Variants in DACH1 observed in about 807,000 individuals in gnomAD.
DACH1 encodes the protein dachshund homolog 1.
In DACH1, 12 loss-of-function variants were observed where a neutral mutation model predicts 54.2. The observed-to-expected ratio is 0.22, with a 90% CI of 0.14 to 0.36. DACH1 has a LOEUF of 0.36. Among genes scored for constraint, DACH1 ranks in the 10% least tolerant of loss-of-function variants. The probability of loss-of-function intolerance (pLI) is 1.00; values close to 1 mark genes in which losing one functional copy is unlikely to be tolerated. For synonymous variants in DACH1, 386 were observed against 366.2 expected (o/e 1.05, Z -0.62); for missense variants, 805 against 929.8 (o/e 0.87, Z 1.75).
intron 3 of DACH1, among the ~76,000 whole-genome samples, chr13:71,619,118 A>G (rs1876014050): frequency 6.6e-6 from 1 of 151,654 alleles, no homozygotes; most frequent in African/African-American, 2.4e-5. Context: ...ATGTGTGTAT[A>G]TATATATATG....
At chr13:71,457,803 A>T (rs1278290951) in intron 10 of DACH1, among the ~76,000 whole-genome samples, 1 of 151,902 alleles carries the variant, frequency 6.6e-6, no homozygotes, top group Non-Finnish European at 1.5e-5. Flanking sequence ...AGCTTCAATT[A>T]TGTCCAAAGT....
rs12430787 is a variant in DACH1 at position 71,473,248 on chromosome 13, A to C, written c.2083+1893T>G. On this transcript the variant is annotated intron_variant, in intron 10 of 10. Transcript: ENST00000613252. Reference sequence around the variant, plus strand: ...TGAGTGAGGATTTTCTATTACAATTAAAGGCAAAAATAATTCCATAAAATG... The same window carrying C: ...TGAGTGAGGATTTTCTATTACAATTCAAGGCAAAAATAATTCCATAAAATG... Among the ~76,000 whole-genome samples, 1,462 of 152,300 alleles carry C rather than the reference A, an allele frequency of 9.6e-3. 18 individuals are homozygous for C. The highest frequency in any genetic ancestry group is 0.027 in the Middle Eastern group (8 of 292).
intron 1 of DACH1, among the ~76,000 whole-genome samples, chr13:71,710,992 T>C (rs1882697290): frequency 6.6e-6 from 1 of 152,178 alleles, no homozygotes; most frequent in Admixed American, 6.6e-5. Flanking sequence ...CCTAGTCAGT[T>C]ATTCTATATA....
chr13:71,563,894 A>C (rs1884750240), intron 4 of DACH1, among the ~76,000 whole-genome samples: 2 of 151,750 alleles, frequency 1.3e-5, no homozygotes, highest in South Asian at 4.2e-4. Flanking sequence ...TTAACTATTC[A>C]ATTGAAACTT....
At chr13:71,753,581 T>A (rs1051586173) in intron 1 of DACH1, among the ~76,000 whole-genome samples, 2 of 152,116 alleles carry the variant, frequency 1.3e-5, no homozygotes, top group African/African-American at 4.8e-5. Flanking sequence ...GTACAAACAT[T>A]CATAGATTGC....
At chr13:71,781,599 C>T (rs1473096213) in intron 1 of DACH1, among the ~76,000 whole-genome samples, 6 of 151,902 alleles carry the variant, frequency 3.9e-5, no homozygotes, top group African/African-American at 1.2e-4. Flanking sequence ...AGGATGGTCT[C>T]GATCTCCTGA....
At chr13:71,695,374 C>G (rs538900189) in intron 1 of DACH1, among the ~76,000 whole-genome samples, 2 of 152,180 alleles carry the variant, frequency 1.3e-5, no homozygotes, top group African/African-American at 2.4e-5. Context: ...ATATAACCCT[C>G]TCTCCAAAAG....
At chr13:71,603,008 T>A (rs1874618139) in intron 3 of DACH1, among the ~76,000 whole-genome samples, 1 of 152,006 alleles carries the variant, frequency 6.6e-6, no homozygotes, top group African/African-American at 2.4e-5. Context: ...CGTTGCTTTC[T>A]TTTTATTCAC....
intron 6 of DACH1, among the ~76,000 whole-genome samples, chr13:71,533,646 T>A (rs969840904): frequency 6.6e-6 from 1 of 151,968 alleles, no homozygotes; most frequent in African/African-American, 2.4e-5. Flanking sequence ...TTTAGTTCAA[T>A]GAAATCTCTA....
At position 71,829,456 on chromosome 13, in the gene DACH1, G is replaced by A. The variant is rs987702170; in HGVS notation, c.848+36466C>T. Among the ~76,000 whole-genome samples, 10 of 151,882 alleles carry A rather than the reference G, an allele frequency of 6.6e-5. No individual in the cohort carries two copies. The East Asian group carries it at 1.2e-3, about 18-fold the overall frequency. ...CAAGAAAGTCACTGCAACTAAGTAC[G>A]TACTGGGAATAAAAATTCAACTGTA... is the stretch of plus-strand genomic sequence containing the variant. On this transcript the variant is annotated intron_variant, in intron 1 of 10. Coordinates refer to ENST00000613252, the MANE Select transcript of DACH1 (RefSeq NM_080759.6).
intron 1 of DACH1, among the ~76,000 whole-genome samples, chr13:71,757,319 T>C (rs1885206739): frequency 6.6e-6 from 1 of 152,040 alleles, no homozygotes; most frequent in African/African-American, 2.4e-5. Context: ...AGGAAATAAC[T>C]TGATTTTTTT....
intron 1 of DACH1, among the ~76,000 whole-genome samples, chr13:71,743,662 T>G (rs544589323): frequency 6.6e-6 from 1 of 152,294 alleles, no homozygotes; most frequent in East Asian, 1.9e-4. Flanking sequence ...CCTTAGACAA[T>G]TTGTGTTTCC....
At chr13:71,556,886 A>T in intron 6 of DACH1, 138 bp downstream of exon 6, 1 of 886,894 alleles carries the variant, frequency 1.1e-6, no homozygotes, top group Non-Finnish European at 1.6e-6. Context: ...TTTAATTTGT[A>T]CTTAATATTG....
At chr13:71,511,489 T>C (rs1012496748) in intron 6 of DACH1, among the ~76,000 whole-genome samples, 1 of 151,882 alleles carries the variant, frequency 6.6e-6, no homozygotes, top group Non-Finnish European at 1.5e-5. Flanking sequence ...AATGGTCCCC[T>C]GGAAATAAAG....
chr13:71,782,716 T>C (rs147408719), intron 1 of DACH1, among the ~76,000 whole-genome samples: 1 of 152,260 alleles, frequency 6.6e-6, no homozygotes, highest in Non-Finnish European at 1.5e-5. Context: ...CCAGAGTTTT[T>C]ACCTTCATTT....
intron 1 of DACH1, among the ~76,000 whole-genome samples, chr13:71,816,921 G>A (rs963053693): frequency 6.6e-6 from 1 of 151,980 alleles, no homozygotes; most frequent in African/African-American, 2.4e-5. Context: ...GGTGGAGGGT[G>A]GGAGGAGGTA....
At chr13:71,860,670 G>C (rs1007053429) in intron 1 of DACH1, among the ~76,000 whole-genome samples, 3 of 151,886 alleles carry the variant, frequency 2.0e-5, no homozygotes, top group African/African-American at 7.2e-5. Context: ...CAACCTGTGA[G>C]AGTTTAATTT....
At chr13:71,742,865 C>T (rs552891662) in intron 1 of DACH1, among the ~76,000 whole-genome samples, 1 of 152,260 alleles carries the variant, frequency 6.6e-6, no homozygotes, top group Non-Finnish European at 1.5e-5. Flanking sequence ...TACTCAGCAT[C>T]TCCTCTCTAA....
At chr13:71,808,666 T>C (rs1887601381) in intron 1 of DACH1, among the ~76,000 whole-genome samples, 1 of 152,200 alleles carries the variant, frequency 6.6e-6, no homozygotes, top group African/African-American at 2.4e-5. Flanking sequence ...CAGTTTGACA[T>C]CCTGCTTGTA....
Sources: allele counts gnomAD v4.1 joint callset (sites outside exome capture counted in the v4.1 genomes callset), GRCh38; gene constraint gnomAD v4.1.1; transcripts MANE v1.5; gene names NCBI Gene and HGNC (gene_info 2026-07-23, HGNC 2026-07-21).